The following SLC4A5 variants were observed in gnomAD, a reference collection of about 807,000 sequenced individuals.
The protein encoded by SLC4A5 is solute carrier family 4 member 5, also known as electrogenic sodium bicarbonate cotransporter 4.
A neutral mutation model predicts 120.4 loss-of-function variants in SLC4A5; 96 were observed. The observed-to-expected ratio is 0.80, with a 90% CI of 0.68 to 0.94. The LOEUF is 0.94. Ranked by LOEUF, SLC4A5 falls within the 40% of genes least tolerant of loss-of-function variation. SLC4A5 has a pLI of 0.00. For synonymous variants in SLC4A5, 550 were observed against 571.1 expected (o/e 0.96, Z 0.53); for missense variants, 1,259 against 1,459.5 (o/e 0.86, Z 2.24).
chr2:74,229,220 G>A lies in SLC4A5; in HGVS notation c.2848-1342C>T, dbSNP rs187932005. On this transcript the variant is annotated intron_variant, in intron 25 of 30. Transcript: ENST00000394019. ...CAAAGTGTTAGGATTACAGACATGG[G>A]CCACCATGCCTGGCCGATTCGAAGG... 4.6e-3 allele frequency among the ~76,000 whole-genome samples: 676 copies of A among 148,334 alleles called. 12 individuals carry two copies. The highest frequency in any genetic ancestry group is 0.016 in the African/African-American group (626 of 40,018).
chr2:74,285,781 C>A, exon 8 of SLC4A5: 1 of 1,610,822 alleles, frequency 6.2e-7, no homozygotes, highest in Non-Finnish European at 8.5e-7. Flanking sequence ...ACCTGGCTGA[C>A]TCCTTCCACT....
At chr2:74,295,671 G>T (rs1428101061) in intron 7 of SLC4A5, among the ~76,000 whole-genome samples, 1 of 152,026 alleles carries the variant, frequency 6.6e-6, no homozygotes, top group Non-Finnish European at 1.5e-5. Flanking sequence ...AAAAGAAAAA[G>T]AAAAAATTGA....
chr2:74,247,068 G>T, exon 19 of SLC4A5: 2 of 1,614,154 alleles, frequency 1.2e-6, no homozygotes, highest in Non-Finnish European at 1.7e-6. Context: ...GCACTTGTAG[G>T]TAGTGATGAA....
At chr2:74,262,254 A>T in intron 10 of SLC4A5, 22 bp from the exon 11 acceptor site, 1 of 1,609,686 alleles carries the variant, frequency 6.2e-7, no homozygotes, top group East Asian at 2.2e-5. Flanking sequence ...ATCAGAAGGG[A>T]CTTGGCTTCG....
chr2:74,271,120 A>T (rs1241732127), intron 8 of SLC4A5, among the ~76,000 whole-genome samples: 1 of 152,166 alleles, frequency 6.6e-6, no homozygotes, highest in Non-Finnish European at 1.5e-5. Flanking sequence ...AAGATTCTAC[A>T]TTTCTAATAA....
intron 6 of SLC4A5, among the ~76,000 whole-genome samples, chr2:74,306,345 C>A (rs1320424284): frequency 6.7e-6 from 1 of 149,314 alleles, no homozygotes; most frequent in African/African-American, 2.6e-5. Flanking sequence ...CAGAGACATT[C>A]CAACACCACC....
rs1432475004 is a variant in SLC4A5, at chr2:74,260,196, A to AAGCC, written c.812-557_812-554dup. On this transcript the variant is annotated intron_variant, in intron 11 of 30. Coordinates refer to ENST00000394019, the Ensembl canonical transcript of SLC4A5. ...GTTCCTTCCTCTGTTAAGAGAGAGA[A>AAGCC]AGCCAGCTCTCCTCTCCCACTAGCC... Among the ~76,000 whole-genome samples the AAGCC allele has an allele frequency of 4.6e-5, 7 of 152,138 alleles. No homozygotes were observed. In the East Asian group the frequency reaches 1.4e-3, roughly 29 times the overall value.
At chr2:74,217,139 G>C (rs1694469225) in exon 31 of SLC4A5, 1 of 152,170 alleles carries the variant, frequency 6.6e-6, no homozygotes, top group Non-Finnish European at 1.5e-5. Flanking sequence ...TAATGATCTA[G>C]TGTCATTTTT....
At chr2:74,219,448 A>T (rs572767049) in intron 30 of SLC4A5, among the ~76,000 whole-genome samples, 1 of 152,216 alleles carries the variant, frequency 6.6e-6, no homozygotes, top group South Asian at 2.1e-4. Context: ...CACCTGGTAG[A>T]TCATTGATGC....
chr2:74,240,174 C>T (rs1670395161), intron 20 of SLC4A5, among the ~76,000 whole-genome samples: 1 of 151,960 alleles, frequency 6.6e-6, no homozygotes, highest in African/African-American at 2.4e-5. Flanking sequence ...AGGTTTTGTG[C>T]TTTTCCTCTC....
chr2:74,329,369 C>A (rs1451113835), intron 4 of SLC4A5, among the ~76,000 whole-genome samples: 2 of 152,068 alleles, frequency 1.3e-5, no homozygotes, highest in Admixed American at 1.3e-4. Flanking sequence ...GCGGGCAGAT[C>A]ACCTGAGTTC....
chr2:74,264,247 C>T, exon 10 of SLC4A5: 2 of 1,614,266 alleles, frequency 1.2e-6, no homozygotes, highest in Non-Finnish European at 1.7e-6. Context: ...TGACCCTCTC[C>T]CGGAGCTCTG....
At chr2:74,259,487 G>C in intron 12 of SLC4A5, 101 bp downstream of exon 12, 1 of 1,305,468 alleles carries the variant, frequency 7.7e-7, no homozygotes, top group South Asian at 1.2e-5. Context: ...CCACTCCTTT[G>C]TAGGAGTGGA....
intron 8 of SLC4A5, among the ~76,000 whole-genome samples, chr2:74,268,788 T>G (rs1671383096): frequency 6.6e-6 from 1 of 152,258 alleles, no homozygotes; most frequent in African/African-American, 2.4e-5. Flanking sequence ...CATTTGGTAG[T>G]TGAAAAATTA....
intron 15 of SLC4A5, among the ~76,000 whole-genome samples, 163 bp downstream of exon 15, chr2:74,252,811 C>T (rs980354055): frequency 1.3e-5 from 2 of 152,232 alleles, no homozygotes; most frequent in African/African-American, 4.8e-5. Flanking sequence ...TGGTTTCAAA[C>T]TCCTGGGCTC....
intron 11 of SLC4A5, 86 bp from the exon 12 acceptor site, chr2:74,259,729 C>G: frequency 7.5e-7 from 1 of 1,326,384 alleles, no homozygotes; most frequent in Non-Finnish European, 1.1e-6. Context: ...TGTACCTCTC[C>G]CATGTTCATA....
chr2:74,256,298 T>A (rs1391682950), intron 12 of SLC4A5, among the ~76,000 whole-genome samples: 1 of 152,196 alleles, frequency 6.6e-6, no homozygotes, highest in Non-Finnish European at 1.5e-5. Context: ...GGAGTCTCAG[T>A]GCTTCTACCT....
intron 25 of SLC4A5, among the ~76,000 whole-genome samples, chr2:74,230,325 G>A (rs1356143945): frequency 6.6e-6 from 1 of 152,152 alleles, no homozygotes; most frequent in African/African-American, 2.4e-5. Context: ...GCTTTCTGGA[G>A]TCTCTCCAGA....
intron 8 of SLC4A5, among the ~76,000 whole-genome samples, chr2:74,281,318 C>T (rs1335573348): frequency 6.6e-6 from 1 of 152,192 alleles, no homozygotes; most frequent in Non-Finnish European, 1.5e-5. Context: ...CTGAGTAACC[C>T]CAAAGGGCCC....
Sources: allele counts gnomAD v4.1 joint callset (sites outside exome capture counted in the v4.1 genomes callset), GRCh38; gene constraint gnomAD v4.1.1; transcripts MANE v1.5; gene names NCBI Gene and HGNC (gene_info 2026-07-23, HGNC 2026-07-21).